The following MRPL20 variants were observed in gnomAD, a reference collection of about 807,000 sequenced individuals.
MRPL20 encodes mitochondrial ribosomal protein L20.
Under a neutral mutation model 20.0 loss-of-function variants are expected in MRPL20, and 21 were observed. That is an observed-to-expected ratio of 1.05 (90% CI 0.74 to 1.51). The LOEUF (loss-of-function observed/expected upper bound fraction) is 1.51, where lower values mean the gene tolerates loss of function less well. Ranked by LOEUF, MRPL20 falls within the 40% of genes most tolerant of loss-of-function variation. The pLI, the probability that MRPL20 is intolerant of heterozygous loss-of-function variation, is 0.00. For synonymous variants in MRPL20, 104 were observed against 73.0 expected, an observed-to-expected ratio of 1.43 and a Z score of -2.17; for missense variants, 252 against 185.6, an observed-to-expected ratio of 1.36 and a Z score of -2.08.
Position 1,407,179 on chromosome 1 carries a change from G to T in MRPL20, c.39C>A (p.Arg13=). ...FLTAQLWLRN[R]VTDRYFRIQE... The stretch of plus-strand genomic sequence containing the variant: ...GGATCCGAAAGTAGCGGTCGGTGAC[G>T]CGATTCCGCAGCCAGAGCTGCGCGG... The change falls in exon 1 of 4, where the codon CGC becomes CGA. Residue 13 remains arginine (R), a synonymous_variant. Transcript: ENST00000344843. 1.2e-6 allele frequency: 2 copies of T among 1,607,328 alleles called. No individual in the cohort carries two copies. The highest frequency in any genetic ancestry group is 1.7e-6 in the Non-Finnish European group (2 of 1,177,188).
chr1:1,405,970 T>G (rs1645380234), intron 2 of MRPL20, 84 bp from the exon 3 acceptor site: 2 of 1,526,540 alleles, frequency 1.3e-6, no homozygotes. Context: ...CTAAAGAATA[T>G]TTTTCTAAAA....
At chr1:1,404,043 T>C (rs573890503) in intron 3 of MRPL20, among the ~76,000 whole-genome samples, 2 of 151,388 alleles carry the variant, frequency 1.3e-5, no homozygotes, top group South Asian at 4.2e-4. Flanking sequence ...TTTACCACAT[T>C]GCCCAGGCTG....
At chr1:1,406,613 T>G (rs1645386662) in intron 2 of MRPL20, 1 of 435,768 alleles carries the variant, frequency 2.3e-6, no homozygotes, top group Non-Finnish European at 4.2e-6. Flanking sequence ...ACCGGAGGGA[T>G]GAGAGCAGCA....
At chr1:1,402,507 C>G in intron 3 of MRPL20, 1 of 1,238,714 alleles carries the variant, frequency 8.1e-7, no homozygotes, top group Non-Finnish European at 1.0e-6. Flanking sequence ...GATGTCGGCC[C>G]GGGGAACCAA....
chr1:1,405,410 G>A, intron 3 of MRPL20: 1 of 570,888 alleles, frequency 1.8e-6, no homozygotes, highest in Non-Finnish European at 3.1e-6. Context: ...CTCAGTAGCT[G>A]ACATTACATG....
At chr1:1,404,478 T>C (rs1196293513) in intron 3 of MRPL20, among the ~76,000 whole-genome samples, 2 of 151,800 alleles carry the variant, frequency 1.3e-5, no homozygotes, top group Non-Finnish European at 2.9e-5. Flanking sequence ...AATTAAACTT[T>C]GAAGTTAAAG....
chr1:1,405,744 A>G (rs144889917), intron 3 of MRPL20, 65 bp downstream of exon 3: 1 of 1,613,894 alleles, frequency 6.2e-7, no homozygotes, highest in Non-Finnish European at 8.5e-7. Flanking sequence ...AAGCACCACC[A>G]CGCCCCGCAT....
Position 1,405,860 on chromosome 1 carries a change from A to G in MRPL20, c.225T>C (p.Ala75=), listed in dbSNP as rs1447782550. Residue 75 remains alanine, a synonymous_variant, in exon 3 of 4, where the codon GCT becomes GCC. Transcript: ENST00000344843. ...RTLWINRITA[A]SQEHGLKYPA... ...GATACTTCAGTCCATGTTCCTGGCT[A>G]GCAGCTGTAATTCGATTAATCCAGA... is the stretch of plus-strand genomic sequence containing the variant. 4 of 1,613,728 alleles carry G rather than the reference A, an allele frequency of 2.5e-6. No homozygotes were observed. The highest frequency in any genetic ancestry group is 1.3e-5 in the African/African-American group (1 of 74,942).
In MRPL20 at chr1:1,405,868, T is replaced by A; in HGVS notation, c.217A>T (p.Thr73Ser). 2 of 1,613,568 alleles carry A rather than the reference T, an allele frequency of 1.2e-6. No individual in the cohort carries two copies. The highest frequency in any genetic ancestry group is 8.5e-7 in the Non-Finnish European group (1 of 1,179,490). Residue 73 changes from threonine to serine, a missense_variant, in exon 3 of 4, where the codon ACA becomes TCA. Transcript: ENST00000344843. ...AGTCCATGTTCCTGGCTAGCAGCTG[T>A]AATTCGATTAATCCAGAGCTGAAAT... ...NMRTLWINRI[T>S]AASQEHGLKY...
intron 3 of MRPL20, chr1:1,402,654 G>A: frequency 2.0e-6 from 2 of 989,826 alleles, no homozygotes; most frequent in Non-Finnish European, 2.4e-6. Context: ...CAGAGTTTAA[G>A]GAGTAGAAAA....
chr1:1,402,000 T>A lies in MRPL20; in HGVS notation c.*83A>T. ...ACAGGGCCATCCCTCATGTCTGTTATTGGGTTGTAGATAAACAAAAGTATA... is the reference window on the plus strand; with the variant it reads ...ACAGGGCCATCCCTCATGTCTGTTAATGGGTTGTAGATAAACAAAAGTATA... On this transcript the variant is annotated 3_prime_UTR_variant, in exon 4 of 4. Transcript: ENST00000344843. 3 of 1,459,416 alleles carry A rather than the reference T, an allele frequency of 2.1e-6. No individual in the cohort carries two copies. Among genetic ancestry groups the A allele is most frequent in the Non-Finnish European group, 2.8e-6 (3 of 1,074,552 alleles). 90.4% of individuals were successfully genotyped at this position (1,459,416 alleles called of 1,614,324 possible). A position where few individuals can be genotyped will look rare whatever the true frequency, so the allele number is the denominator to read the frequency against.
rs1347770537 is a variant in MRPL20, at chr1:1,406,933, G to A, written c.174C>T (p.Tyr58=). The A allele has an allele frequency of 1.2e-5, 20 of 1,613,498 alleles. No individual in the cohort carries two copies. The highest frequency in any genetic ancestry group is 5.0e-5 in the Admixed American group (3 of 59,996). ...RAFVKCTKAR[Y]LKKKNMRTLW... ...CGGTCCTCATGTTCTTTTTCTTCAG[G>A]TATCGGGCTTTGGTGCATTTCACAA... is the stretch of plus-strand genomic sequence containing the variant. The change falls in exon 2 of 4, where the codon TAC becomes TAT. Residue 58 remains tyrosine (Y), a synonymous_variant. Transcript: ENST00000344843.
intron 3 of MRPL20, among the ~76,000 whole-genome samples, chr1:1,404,210 G>A (rs1398478124): frequency 2.0e-5 from 3 of 148,210 alleles, no homozygotes; most frequent in Non-Finnish European, 3.0e-5. Flanking sequence ...CTGGAGTGCA[G>A]TGGCGCGATC....
intron 2 of MRPL20, 157 bp downstream of exon 2, chr1:1,406,752 T>G (rs1645388467): frequency 2.9e-6 from 2 of 685,378 alleles, no homozygotes; most frequent in Non-Finnish European, 5.2e-6. Flanking sequence ...GTCCCACAGT[T>G]TGCCTGCGGG....
chr1:1,405,499 A>C (rs1052700825), intron 3 of MRPL20: 1 of 604,248 alleles, frequency 1.7e-6, no homozygotes, highest in Non-Finnish European at 3.0e-6. Context: ...TGTTGCTGGC[A>C]CTATTCCTAG....
At chr1:1,402,527 T>G (rs1238995716) in intron 3 of MRPL20, 1 of 1,203,440 alleles carries the variant, frequency 8.3e-7, no homozygotes. Flanking sequence ...AACACCTTGT[T>G]CAGGGTCCTT....
At chr1:1,407,044 G>T (rs1391335798) in intron 1 of MRPL20, 25 bp from the exon 2 acceptor site, 1 of 1,611,360 alleles carries the variant, frequency 6.2e-7, no homozygotes, top group East Asian at 2.2e-5. Context: ...GAGAAACCAG[G>T]GTTGTCAGCG....
intron 3 of MRPL20, among the ~76,000 whole-genome samples, chr1:1,403,692 C>A (rs1209708840): frequency 6.6e-6 from 1 of 152,042 alleles, no homozygotes; most frequent in Non-Finnish European, 1.5e-5. Context: ...TTAATGTACA[C>A]AAGCAGAGGG....
intron 3 of MRPL20, among the ~76,000 whole-genome samples, chr1:1,403,203 C>A (rs559422606): frequency 2.0e-5 from 3 of 151,706 alleles, no homozygotes; most frequent in Admixed American, 1.3e-4. Context: ...CCTAACTGTA[C>A]TACCTGTGAC....
Sources: gnomAD v4.1 joint callset for allele counts (sites outside exome capture counted in the v4.1 genomes callset) on GRCh38, gnomAD v4.1.1 for gene constraint, MANE v1.5 for transcripts, NCBI Gene and HGNC (gene_info 2026-07-23, HGNC 2026-07-21) for gene names.